The following SCML2 variants were observed in gnomAD, a reference collection of about 807,000 sequenced individuals.
SCML2 encodes sex comb on midleg-like protein 2.
Under a neutral mutation model 48.4 loss-of-function variants are expected in SCML2, and 6 were observed. The ratio of observed to expected loss-of-function variants is 0.12; its 90% CI spans 0.07 to 0.24. The LOEUF is 0.24. SCML2 is among the 10% of genes least tolerant of loss of function. The pLI, the probability that SCML2 is intolerant of heterozygous loss-of-function variation, is 1.00. For missense variants in SCML2, 377 were observed against 528.2 expected, an observed-to-expected ratio of 0.71 and a Z score of 2.81; for synonymous variants, 181 against 189.5, an observed-to-expected ratio of 0.95 and a Z score of 0.37.
chrX:18,340,809 CAA>C (rs752528935), intron 1 of SCML2, among the ~76,000 whole-genome samples: 3 of 39,850 alleles, frequency 7.5e-5, no homozygotes, highest in Admixed American at 3.1e-4. Context: ...GACTCCGTCT[CAA>C]AAAAAAAAAA....
At chrX:18,245,593 T>C (rs1164217965) in intron 13 of SCML2, among the ~76,000 whole-genome samples, 1 of 111,527 alleles carries the variant, frequency 9.0e-6, no homozygotes, top group East Asian at 2.8e-4. Context: ...CCCACTTCCT[T>C]CACTCCTCAA....
chrX:18,343,666 A>G (rs933705229), intron 1 of SCML2, among the ~76,000 whole-genome samples: 1 of 105,813 alleles, frequency 9.5e-6, no homozygotes, highest in African/African-American at 3.4e-5. Flanking sequence ...AGGTTGAGGC[A>G]GGGAGAACTG....
chrX:18,284,680 C>T (rs1305536857), intron 7 of SCML2, among the ~76,000 whole-genome samples: 1 of 112,085 alleles, frequency 8.9e-6, no homozygotes, highest in Non-Finnish European at 1.9e-5. Context: ...CAGAGAAATG[C>T]AAATCAAAAC....
chrX:18,338,454 AAAAG>A (rs1320040899), intron 1 of SCML2, among the ~76,000 whole-genome samples: 3 of 108,747 alleles, frequency 2.8e-5, no homozygotes, highest in Non-Finnish European at 5.7e-5. Context: ...AAAAAAAAAA[AAAAG>A]AAAAAAAAAA....
chrX:18,264,779 C>T (rs986918792), intron 8 of SCML2, among the ~76,000 whole-genome samples: 3 of 111,069 alleles, frequency 2.7e-5, no homozygotes, highest in African/African-American at 6.5e-5. Flanking sequence ...TTCATCCAGC[C>T]TCAGTTCAGA....
intron 7 of SCML2, among the ~76,000 whole-genome samples, chrX:18,289,053 G>A (rs750633013): frequency 1.8e-5 from 2 of 111,627 alleles, no homozygotes; most frequent in East Asian, 2.8e-4. Flanking sequence ...AAGGTTACCC[G>A]GGGTCAGAGA....
chrX:18,317,608 G>A (rs918990972), intron 6 of SCML2, among the ~76,000 whole-genome samples: 2 of 110,909 alleles, frequency 1.8e-5, no homozygotes, highest in Admixed American at 1.9e-4. Context: ...CGAGGCGGGC[G>A]GATCACGAGG....
chrX:18,274,140 T>C (rs5909439), intron 7 of SCML2, among the ~76,000 whole-genome samples: 30,622 of 111,315 alleles, frequency 0.28, 3,610 homozygotes, highest in African/African-American at 0.45. Flanking sequence ...CATCTGTGGA[T>C]GGCAGAGCTA....
At chrX:18,265,147 G>A (rs1377329438) in intron 8 of SCML2, among the ~76,000 whole-genome samples, 14 of 111,821 alleles carry the variant, frequency 1.3e-4, no homozygotes, top group Non-Finnish European at 2.6e-4. Flanking sequence ...TCACTCTTCA[G>A]TGTCTTCAGG....
chrX:18,292,398 T>C (rs1928260249), intron 7 of SCML2, among the ~76,000 whole-genome samples: 1 of 111,077 alleles, frequency 9.0e-6, no homozygotes, highest in African/African-American at 3.3e-5. Context: ...ATATTCTAAA[T>C]GCTTAACAAA....
intron 7 of SCML2, among the ~76,000 whole-genome samples, chrX:18,284,153 A>G (rs1271184923): frequency 8.9e-6 from 1 of 112,132 alleles, no homozygotes; most frequent in Admixed American, 9.5e-5. Context: ...CAACAAAAAC[A>G]AACAATGGAG....
chrX:18,354,844 G>A (rs1930494555), upstream of SCML2: 1 of 131,163 alleles, frequency 7.6e-6, no homozygotes, highest in African/African-American at 3.2e-5. Context: ...AGGCAGTGGC[G>A]GACCATGAGA....
At chrX:18,271,181 G>A (rs181121070) in intron 7 of SCML2, among the ~76,000 whole-genome samples, 1 of 111,409 alleles carries the variant, frequency 9.0e-6, no homozygotes, top group East Asian at 2.8e-4. Flanking sequence ...CCCATTACAT[G>A]CTAGGCACTT....
At position 18,280,591 on chromosome X, in the gene SCML2, C is replaced by G. The variant is rs1602101129; in HGVS notation, c.731-14789G>C. Among the ~76,000 whole-genome samples, 6 of 111,545 alleles carry G rather than the reference C, an allele frequency of 5.4e-5. No individual in the cohort carries two copies. In the South Asian group the frequency reaches 2.3e-3, roughly 42 times the overall value. ...GGCAAGCTGAATACAAAGACAAGAC[C>G]TAACCATCTGTTGTCCTCAAGACAC... On this transcript the variant is annotated intron_variant, in intron 7 of 14. Transcript: ENST00000251900.
intron 7 of SCML2, among the ~76,000 whole-genome samples, chrX:18,292,628 G>T (rs922416815): frequency 8.2e-5 from 9 of 109,274 alleles, no homozygotes; most frequent in African/African-American, 1.3e-4. Flanking sequence ...ATATATTCTT[G>T]TTTTTTTTAA....
At chrX:18,245,484 C>T (rs983899844) in intron 13 of SCML2, among the ~76,000 whole-genome samples, 2 of 112,267 alleles carry the variant, frequency 1.8e-5, no homozygotes, top group African/African-American at 3.2e-5. Flanking sequence ...AAGGCAGAGA[C>T]AATCTCCAGA....
chrX:18,311,356 T>C (rs1334697285), intron 6 of SCML2, among the ~76,000 whole-genome samples: 1 of 110,310 alleles, frequency 9.1e-6, no homozygotes, highest in African/African-American at 3.3e-5. Flanking sequence ...TAAACATAAT[T>C]TAAAAAGTAA....
chrX:18,276,225 C>T (rs934592210), intron 7 of SCML2, among the ~76,000 whole-genome samples: 1 of 107,367 alleles, frequency 9.3e-6, no homozygotes, highest in Non-Finnish European at 1.9e-5. Flanking sequence ...ACCCAGGAAG[C>T]GGAGGTTGCA....
intron 7 of SCML2, among the ~76,000 whole-genome samples, chrX:18,283,234 G>C (rs1020623002): frequency 8.9e-6 from 1 of 111,755 alleles, no homozygotes. Context: ...AAAAGCTTTC[G>C]ATAAAACCCA....
Sources: gnomAD v4.1 joint callset for allele counts (sites outside exome capture counted in the v4.1 genomes callset) on GRCh38, gnomAD v4.1.1 for gene constraint, MANE v1.5 for transcripts, NCBI Gene and HGNC (gene_info 2026-07-23, HGNC 2026-07-21) for gene names.